Variants in SLC35E4 observed in about 807,000 individuals in gnomAD.
The protein encoded by SLC35E4 is solute carrier family 35, member E4.
SLC35E4 carries 15 observed loss-of-function variants against 19.3 expected under a neutral mutation model. The ratio of observed to expected loss-of-function variants is 0.78; its 90% CI spans 0.52 to 1.20. SLC35E4 has a LOEUF of 1.20. SLC35E4 is among the 50% of genes most tolerant of loss of function. SLC35E4 has a pLI of 0.00. For missense variants in SLC35E4, 406 were observed against 472.3 expected (o/e 0.86, Z 1.30); for synonymous variants, 219 against 219.9 (o/e 1.00, Z 0.04).
At chr22:30,656,680 T>C (rs1327610500) in intron 2 of SLC35E4, among the ~76,000 whole-genome samples, 1 of 152,172 alleles carries the variant, frequency 6.6e-6, no homozygotes, top group Non-Finnish European at 1.5e-5. Flanking sequence ...GCTGCTCTAC[T>C]CTGAGTCCAA....
Position 30,646,677 on chromosome 22 carries a change from G to A in SLC35E4, c.699G>A (p.Ala233=), listed in dbSNP as rs200582835. ...ATSLPSFCLL[A]GAALVLEAGV... ...CGCTGCCCAGCTTCTGCCTGCTGGC[G>A]GGTGCAGCCCTGGTGCTGGAGGCTG... The change falls in exon 2 of 2, where the codon GCG becomes GCA. Residue 233 remains alanine (A), a synonymous_variant. Coordinates refer to ENST00000343605, the MANE Select transcript of SLC35E4 (RefSeq NM_001001479.4). The A allele has an allele frequency of 8.1e-6, 13 of 1,612,186 alleles. No individual in the cohort carries two copies. Among genetic ancestry groups the A allele is most frequent in the East Asian group, 4.5e-5 (2 of 44,880 alleles).
Position 30,646,859 on chromosome 22 carries a change from G to A in SLC35E4, c.881G>A (p.Gly294Asp), listed in dbSNP as rs866885530. 6.2e-7 allele frequency: 1 copy of A among 1,614,254 alleles called. No homozygotes were observed. ...VHVLGNLTVV[G>D]NLILSRLLFG... ...GTCCTGGGCAACCTCACCGTGGTGG[G>A]CAACCTCATCCTGTCCCGGCTGTTG... The change falls in exon 2 of 2, where the codon GGC becomes GAC. Residue 294 changes from glycine (G) to aspartate (D), a missense_variant. By Grantham distance (94) the Gly-to-Asp change is moderately conservative (BLOSUM62 -1). Transcript: ENST00000343605.
chr22:30,639,527 G>A (rs547014267), intron 1 of SLC35E4, among the ~76,000 whole-genome samples: 2 of 152,246 alleles, frequency 1.3e-5, no homozygotes, highest in South Asian at 4.2e-4. Flanking sequence ...GAGCGCTATG[G>A]GAGACTGGGG....
chr22:30,661,123 G>T (rs967082149), intron 2 of SLC35E4, among the ~76,000 whole-genome samples: 10 of 152,076 alleles, frequency 6.6e-5, no homozygotes, highest in South Asian at 2.1e-4. Flanking sequence ...TTACAGGCAT[G>T]AGCCACCACG....
At chr22:30,639,779 C>A (rs1267937308) in intron 1 of SLC35E4, among the ~76,000 whole-genome samples, 1 of 152,166 alleles carries the variant, frequency 6.6e-6, no homozygotes, top group Non-Finnish European at 1.5e-5. Flanking sequence ...TGCTGTTATC[C>A]TGTTCTTTCA....
rs570195302 is a variant in SLC35E4, at chr22:30,636,538, C to T, written c.88C>T (p.Pro30Ser). 3 of 1,555,800 alleles carry T rather than the reference C, an allele frequency of 1.9e-6. No individual in the cohort carries two copies. The highest frequency in any genetic ancestry group is 2.6e-6 in the Non-Finnish European group (3 of 1,149,496). The change falls in exon 1 of 2, where the codon CCC (proline) becomes TCC (serine). Residue 30 changes from proline to serine, a missense_variant. Coordinates refer to ENST00000343605, the MANE Select transcript of SLC35E4 (RefSeq NM_001001479.4). The stretch of plus-strand genomic sequence containing the variant: ...AGCTGGTGGTGCTCAGGCGGCTGGG[C>T]CCCCCGAGTGGCCCCCTGGCAGCCC... ...AAAGGAQAAG[P>S]PEWPPGSPQA... is the part of the protein sequence containing the mutation.
intron 2 of SLC35E4, chr22:30,654,643 C>A: frequency 2.2e-6 from 1 of 454,520 alleles, no homozygotes; most frequent in East Asian, 6.1e-5. Flanking sequence ...GCTGTTCATC[C>A]ACTTGTGGAG....
chr22:30,637,206 C>T, intron 1 of SLC35E4, 137 bp downstream of exon 1: 1 of 1,339,624 alleles, frequency 7.5e-7, no homozygotes, highest in African/African-American at 1.5e-5. Context: ...GGAAGCAGAA[C>T]TGAGGCTCAG....
rs1184705247 is a variant in SLC35E4, at chr22:30,662,033, T to TTTC, written c.*9-25_*9-24insCTT. On this transcript the variant is annotated intron_variant, in intron 2 of 2. Coordinates refer to the SLC35E4 transcript ENST00000406566. ...AGGGTCTGAAAGGACTTAAACCATT[T>TTTC]TTTTTTTTTTTTTTTTTTACACACA... The TTTC allele has an allele frequency of 3.0e-3, 453 of 150,142 alleles. 1 individual carries two copies. Among genetic ancestry groups the TTTC allele is most frequent in the Middle Eastern group, 0.01 (3 of 288 alleles). 9.3% of individuals were successfully genotyped at this position (150,142 alleles called of 1,614,324 possible). A position where few individuals can be genotyped will look rare whatever the true frequency, so the allele number is the denominator to read the frequency against.
intron 2 of SLC35E4, among the ~76,000 whole-genome samples, chr22:30,653,239 C>T (rs1021225945): frequency 6.6e-6 from 1 of 152,166 alleles, no homozygotes; most frequent in African/African-American, 2.4e-5. Context: ...GTTTCCAAGC[C>T]TACCCCCACT....
chr22:30,665,496 C>T (rs2088616378), downstream of SLC35E4: 1 of 470,714 alleles, frequency 2.1e-6, no homozygotes, highest in South Asian at 1.6e-5. Context: ...CCATCAGATC[C>T]TGATCTGGTC....
At chr22:30,654,818 C>T (rs370804785) in intron 2 of SLC35E4, 30 of 184,008 alleles carry the variant, frequency 1.6e-4, no homozygotes, top group African/African-American at 4.5e-4. Context: ...CTGCCATCTT[C>T]GGCAGCCGCC....
At chr22:30,662,182 T>A (rs1489986972) in exon 3 of SLC35E4, 2 of 152,206 alleles carry the variant, frequency 1.3e-5, no homozygotes, top group African/African-American at 4.8e-5. Flanking sequence ...TCATTCATGA[T>A]GAGAGCTGCC....
chr22:30,664,196 C>G (rs1184234350), downstream of SLC35E4: 2 of 603,164 alleles, frequency 3.3e-6, no homozygotes, highest in African/African-American at 3.7e-5. Flanking sequence ...CTCTGACCAT[C>G]ACAGCAGAAC....
At chr22:30,651,419 ATATATATATTTTTTTTTTTTTTT>A (rs1341519000), downstream of SLC35E4, among the ~76,000 whole-genome samples, 176 of 64,288 alleles carry the variant, frequency 2.7e-3, 2 homozygotes, top group Middle Eastern at 8.5e-3. Flanking sequence ...ATATATATAT[ATATATATATTTTTTTTTTTTTTT>A]TTTTTTTTTT....
At chr22:30,663,886 T>A, downstream of SLC35E4, 1 of 1,613,486 alleles carries the variant, frequency 6.2e-7, no homozygotes, top group Non-Finnish European at 8.5e-7. Flanking sequence ...CTAGACAGCA[T>A]GAGCTTGTTG....
intron 1 of SLC35E4, among the ~76,000 whole-genome samples, chr22:30,644,107 C>T (rs1412205662): frequency 1.3e-5 from 2 of 152,148 alleles, no homozygotes; most frequent in African/African-American, 4.8e-5. Context: ...TGTGATGGGA[C>T]GTTTAATGTG....
At chr22:30,656,844 G>A (rs1403266594) in intron 2 of SLC35E4, among the ~76,000 whole-genome samples, 3 of 152,224 alleles carry the variant, frequency 2.0e-5, no homozygotes, top group Non-Finnish European at 2.9e-5. Context: ...GCTTGGCCCA[G>A]TGGCTCATGC....
Position 30,657,829 on chromosome 22 carries a change from G to A in SLC35E4, c.*9-4231G>A, listed in dbSNP as rs546147316. 2.7e-3 allele frequency among the ~76,000 whole-genome samples: 400 copies of A among 150,392 alleles called. 6 individuals carry two copies. Among genetic ancestry groups the A allele is most frequent in the Admixed American group, 0.023 (350 of 15,088 alleles). On this transcript the variant is annotated intron_variant, in intron 2 of 2. Transcript: ENST00000406566. ...TGAGGCAGGAGAATGACGTGAACTC[G>A]GGAGGCGGAGCTTGCAGTGAGCCAA... is the stretch of plus-strand genomic sequence containing the variant.
Sources: gnomAD v4.1 joint callset for allele counts (sites outside exome capture counted in the v4.1 genomes callset) on GRCh38, gnomAD v4.1.1 for gene constraint, MANE v1.5 for transcripts, NCBI Gene and HGNC (gene_info 2026-07-23, HGNC 2026-07-21) for gene names.